TYW1: variants seen among roughly 807,000 people sequenced by gnomAD.
TYW1 encodes tRNA-yW synthesizing protein 1 homolog.
Under a neutral mutation model 96.2 loss-of-function variants are expected in TYW1, and 46 were observed. That is an observed-to-expected ratio of 0.48 (90% CI 0.38 to 0.61). The LOEUF is 0.61. Among genes scored for constraint, TYW1 ranks in the 20% least tolerant of loss-of-function variants. The pLI is 0.00. For synonymous variants in TYW1, 274 were observed against 323.0 expected, an observed-to-expected ratio of 0.85 and a Z score of 1.63; for missense variants, 684 against 909.6, an observed-to-expected ratio of 0.75 and a Z score of 3.19.
At chr7:67,179,852 T>TAC (rs1190332608) in intron 13 of TYW1, among the ~76,000 whole-genome samples, 1 of 110,914 alleles carries the variant, frequency 9.0e-6, no homozygotes, top group Non-Finnish European at 2.0e-5. Context: ...TAGGAATATA[T>TAC]ATATATATAT....
chr7:67,167,003 C>G (rs1263358430), intron 13 of TYW1, among the ~76,000 whole-genome samples: 1 of 152,064 alleles, frequency 6.6e-6, no homozygotes, highest in East Asian at 1.9e-4. Context: ...TTTGCATTGT[C>G]TTTTTCTTAT....
chr7:67,149,433 A>G (rs895690200), intron 13 of TYW1, among the ~76,000 whole-genome samples: 8 of 152,178 alleles, frequency 5.3e-5, no homozygotes, highest in African/African-American at 1.9e-4. Context: ...ACTCATATAC[A>G]TGGCAAAAAC....
At chr7:67,202,926 GATC>G (rs1347375335) in intron 15 of TYW1, among the ~76,000 whole-genome samples, 3 of 152,202 alleles carry the variant, frequency 2.0e-5, no homozygotes, top group African/African-American at 7.2e-5. Flanking sequence ...CGTCTTACGT[GATC>G]ATAGTACGTT....
chr7:67,048,924 GA>G (rs1355773723), intron 7 of TYW1, among the ~76,000 whole-genome samples: 4 of 152,264 alleles, frequency 2.6e-5, no homozygotes, highest in African/African-American at 9.6e-5. Flanking sequence ...TGAGGCATGA[GA>G]ATTGCTTGAA....
At chr7:67,106,772 A>G (rs1170529818) in intron 12 of TYW1, among the ~76,000 whole-genome samples, 1 of 152,258 alleles carries the variant, frequency 6.6e-6, no homozygotes, top group Middle Eastern at 3.4e-3. Flanking sequence ...TTAGAATCTC[A>G]TAGCTCTTTT....
At position 67,128,515 on chromosome 7, in the gene TYW1, T is replaced by A. The variant is rs541243080; in HGVS notation, c.1698+10897T>A. The stretch of plus-strand genomic sequence containing the variant: ...CTGCCGTGTCAGAGCCTGGTTTGGA[T>A]CCTTGTGCTATCTCTTTAAACTTTG... On this transcript the variant is annotated intron_variant, in intron 13 of 15. Coordinates refer to ENST00000359626, the MANE Select transcript of TYW1 (RefSeq NM_018264.4). 4.6e-5 allele frequency among the ~76,000 whole-genome samples: 7 copies of A among 152,270 alleles called. No homozygotes were observed. In the South Asian group the frequency reaches 1.4e-3, roughly 32 times the overall value.
At chr7:67,141,109 T>A (rs770692471) in intron 13 of TYW1, among the ~76,000 whole-genome samples, 4 of 152,218 alleles carry the variant, frequency 2.6e-5, no homozygotes, top group Non-Finnish European at 4.4e-5. Context: ...TAAGTGTTTA[T>A]CTTTATTCAT....
intron 15 of TYW1, among the ~76,000 whole-genome samples, chr7:67,212,116 T>C (rs1472898453): frequency 6.6e-6 from 1 of 152,206 alleles, no homozygotes; most frequent in Non-Finnish European, 1.5e-5. Flanking sequence ...ACTTCCTCTT[T>C]TCGTCCCTCC....
At chr7:67,078,527 T>A (rs7807231) in intron 10 of TYW1, among the ~76,000 whole-genome samples, 37,096 of 152,086 alleles carry the variant, frequency 0.24, 4,806 homozygotes, top group African/African-American at 0.32. Context: ...GTGAAAAATG[T>A]CTTTGGTGGT....
chr7:67,182,379 A>G (rs1467125518), intron 13 of TYW1, among the ~76,000 whole-genome samples: 1 of 152,150 alleles, frequency 6.6e-6, no homozygotes, highest in African/African-American at 2.4e-5. Context: ...CCTGAATAAC[A>G]TAGCAAGGAC....
At chr7:67,087,307 G>A (rs2115795596) in intron 11 of TYW1, among the ~76,000 whole-genome samples, 1 of 152,254 alleles carries the variant, frequency 6.6e-6, no homozygotes, top group East Asian at 1.9e-4. Flanking sequence ...AGTGACCTTA[G>A]GCTTAACGTT....
At chr7:67,032,828 C>T (rs1399853115) in intron 7 of TYW1, among the ~76,000 whole-genome samples, 4 of 143,570 alleles carry the variant, frequency 2.8e-5, no homozygotes, top group African/African-American at 1.0e-4. Context: ...GAGAAGTGTA[C>T]TTGTCTTTCT....
At chr7:67,192,045 A>T in intron 14 of TYW1, among the ~76,000 whole-genome samples, 1 of 151,298 alleles carries the variant, frequency 6.6e-6, no homozygotes, top group Non-Finnish European at 1.5e-5. Context: ...ACAGGCGGGC[A>T]CCACCACGCC....
At chr7:67,027,009 A>G (rs1030028586) in intron 7 of TYW1, among the ~76,000 whole-genome samples, 6 of 152,044 alleles carry the variant, frequency 3.9e-5, no homozygotes, top group Non-Finnish European at 8.8e-5. Context: ...GACCAGGCTC[A>G]GCAACATAGT....
intron 7 of TYW1, among the ~76,000 whole-genome samples, chr7:67,030,241 T>A (rs73700323): frequency 0.14 from 21,981 of 152,204 alleles, 1,988 homozygotes; most frequent in East Asian, 0.46. Flanking sequence ...CTCTAATCAC[T>A]GGTTTCTTTC....
intron 13 of TYW1, among the ~76,000 whole-genome samples, chr7:67,169,913 T>C (rs1172430972): frequency 6.6e-6 from 1 of 152,232 alleles, no homozygotes; most frequent in Non-Finnish European, 1.5e-5. Context: ...AGTAATTCTA[T>C]ATTTAACTTT....
At position 67,095,509 on chromosome 7, in the gene TYW1, T is replaced by A. The variant is rs1026990396; in HGVS notation, c.1385-3032T>A. The stretch of plus-strand genomic sequence containing the variant: ...TACTAAAAATACAAAAAAAAAAAAA[T>A]TAGACAGACGTGGTGGTGTGCGCCT... On this transcript the variant is annotated intron_variant, in intron 11 of 15. Transcript: ENST00000359626. 3.6e-5 allele frequency among the ~76,000 whole-genome samples: 5 copies of A among 137,224 alleles called. No individual in the cohort carries two copies. The East Asian group carries it at 8.2e-4, about 23-fold the overall frequency. 90.0% of individuals were successfully genotyped at this position (137,224 alleles called of 152,430 possible).
At chr7:67,040,589 A>C (rs978707283) in intron 7 of TYW1, among the ~76,000 whole-genome samples, 9 of 152,102 alleles carry the variant, frequency 5.9e-5, no homozygotes, top group Non-Finnish European at 1.3e-4. Flanking sequence ...TCATGCCTGT[A>C]ATCCTAGCTC....
intron 15 of TYW1, among the ~76,000 whole-genome samples, chr7:67,236,905 G>T (rs1282857947): frequency 6.6e-6 from 1 of 151,920 alleles, no homozygotes; most frequent in Non-Finnish European, 1.5e-5. Flanking sequence ...TTATTTTTGA[G>T]ATGGAATTTC....
Sources: allele counts gnomAD v4.1 joint callset (sites outside exome capture counted in the v4.1 genomes callset), GRCh38; gene constraint gnomAD v4.1.1; transcripts MANE v1.5; gene names NCBI Gene and HGNC (gene_info 2026-07-23, HGNC 2026-07-21).